DDX11: variants seen among roughly 807,000 people sequenced by gnomAD.
The protein encoded by DDX11 is ATP-dependent DNA helicase DDX11.
A neutral mutation model predicts 125.2 loss-of-function variants in DDX11; 72 were observed. The observed-to-expected ratio is 0.58, with a 90% confidence interval of 0.48 to 0.70. The LOEUF (loss-of-function observed/expected upper bound fraction) is 0.70, where lower values mean the gene tolerates loss of function less well. Among genes scored for constraint, DDX11 ranks in the 30% least tolerant of loss-of-function variants. The pLI is 0.00. For missense variants in DDX11, 883 were observed against 1,165.0 expected (o/e 0.76, Z 3.52); for synonymous variants, 347 against 452.6 (o/e 0.77, Z 2.96).
chr12:31,084,857 C>T (rs1450823472), intron 4 of DDX11, 112 bp from the exon 5 acceptor site: 8 of 1,381,648 alleles, frequency 5.8e-6, no homozygotes, highest in Non-Finnish European at 7.0e-6. Flanking sequence ...TCCAGCCAGG[C>T]AGCCAGGCCT....
intron 9 of DDX11, chr12:31,091,376 G>C (rs56224121): frequency 2.6e-4 from 61 of 232,958 alleles, no homozygotes; most frequent in African/African-American, 1.2e-3. Context: ...AGAAGCTGGG[G>C]CCGCTTCCTG....
In DDX11 at chr12:31,092,897, G is replaced by A; in HGVS notation, c.1289+5G>A. On this transcript the variant is annotated splice_donor_5th_base_variant and intron_variant, in intron 11 of 26. Coordinates refer to ENST00000542838, the MANE Select transcript of DDX11 (RefSeq NM_030653.4). ...GCAGTACGTGGAGCGATACGGGTGA[G>A]ATGTGACCCTCTGAGGTAGTGGGAC... is the stretch of plus-strand genomic sequence containing the variant. 1 of 1,614,032 alleles carries A rather than the reference G, an allele frequency of 6.2e-7. No individual in the cohort carries two copies. Among genetic ancestry groups the A allele is most frequent in the Non-Finnish European group, 8.5e-7 (1 of 1,179,874 alleles).
intron 1 of DDX11, 64 bp from the exon 2 acceptor site, chr12:31,078,326 G>C: frequency 6.2e-7 from 1 of 1,609,900 alleles, no homozygotes; most frequent in Non-Finnish European, 8.5e-7. Flanking sequence ...TAATGCTCCA[G>C]ATTTCAAGCC....
chr12:31,089,751 A>G, intron 8 of DDX11, 135 bp from the exon 9 acceptor site: 1 of 1,470,826 alleles, frequency 6.8e-7, no homozygotes. Context: ...ATGAGACCAC[A>G]GTAGGCAGTA....
At chr12:31,080,426 T>A (rs1941669546) in intron 2 of DDX11, among the ~76,000 whole-genome samples, 3 of 152,214 alleles carry the variant, frequency 2.0e-5, no homozygotes. Flanking sequence ...GCCCACTTCC[T>A]GTCTTCTGCA....
rs1219602517 is a variant in DDX11 at position 31,089,650 on chromosome 12, C to G, written c.880+160C>G. On this transcript the variant is annotated intron_variant, in intron 8 of 26. Transcript: ENST00000542838. ...CTCCTTGGGAAAAAGTGTTCCTACT[C>G]TCTGGGTCAGTGTCTGGTCCGAATC... 7 of 1,050,130 alleles carry G rather than the reference C, an allele frequency of 6.7e-6. No individual in the cohort carries two copies. In the African/African-American group the frequency reaches 9.5e-5, roughly 14 times the overall value. The allele number at this position is 1,050,130 out of a possible 1,614,324, so 65.1% of individuals were successfully genotyped here.
chr12:31,087,390 C>T (rs1004660712), intron 5 of DDX11, among the ~76,000 whole-genome samples: 2 of 151,942 alleles, frequency 1.3e-5, no homozygotes, highest in African/African-American at 4.8e-5. Flanking sequence ...GGAGATAGAC[C>T]GAGAGGAAGC....
At chr12:31,094,166 A>C in intron 12 of DDX11, 1 of 289,528 alleles carries the variant, frequency 3.5e-6, no homozygotes. Context: ...CGTCTGTGGA[A>C]GTGGAAGCTG....
At chr12:31,103,042 G>C in intron 24 of DDX11, 22 bp downstream of exon 24, 1 of 1,610,466 alleles carries the variant, frequency 6.2e-7, no homozygotes, top group Non-Finnish European at 8.5e-7. Flanking sequence ...CAGTGTCACA[G>C]AGGGTGACAG....
Position 31,102,435 on chromosome 12 carries a change from C to A in DDX11, c.2280C>A (p.Gly760=). Residue 760 remains glycine (G), a synonymous_variant, in exon 23 of 27, where the codon GGC becomes GGA. Transcript: ENST00000542838. ...LAYSRCIQAC[G]QERGQVTGAL... is the part of the protein sequence containing the mutation. Reference sequence around the variant, plus strand: ...CTGGGTTTCTCCTACAGGCCTGTGGCCAGGAGAGAGGCCAGGTGACAGGGG... The same window carrying A: ...CTGGGTTTCTCCTACAGGCCTGTGGACAGGAGAGAGGCCAGGTGACAGGGG... The A allele has an allele frequency of 1.2e-6, 2 of 1,613,968 alleles. No individual in the cohort carries two copies. The highest frequency in any genetic ancestry group is 1.7e-6 in the Non-Finnish European group (2 of 1,179,906).
At chr12:31,091,994 C>CCATATTACTTTGGTT in intron 10 of DDX11, 123 bp downstream of exon 10, 1 of 1,360,394 alleles carries the variant, frequency 7.4e-7, no homozygotes, top group Non-Finnish European at 1.0e-6. Context: ...GTGCACGAGT[C>CCATATTACTTTGGTT]AAGGCGGTGA....
At position 31,100,687 on chromosome 12, in the gene DDX11, G is replaced by A. The variant is rs141979246; in HGVS notation, c.1928G>A (p.Arg643His). The A allele has an allele frequency of 3.0e-4, 463 of 1,552,380 alleles. No homozygotes were observed. Among genetic ancestry groups the A allele is most frequent in the Non-Finnish European group, 3.8e-4 (441 of 1,147,318 alleles). Residue 643 changes from arginine (R) to histidine (H), a missense_variant, in exon 19 of 27, where the codon CGC becomes CAC. Around this residue, in one of 5 missense-constraint regions of DDX11, gnomAD observed 285 missense variants for 346.0 expected, o/e 0.82. Coordinates refer to ENST00000542838, the MANE Select transcript of DDX11 (RefSeq NM_030653.4). ...GCCTGTGCCGGGGTGGAAGCTGAGCGCGTGGTGGAGTTTTCCTGTGGTGAG... is the reference window on the plus strand; with the variant it reads ...GCCTGTGCCGGGGTGGAAGCTGAGCACGTGGTGGAGTTTTCCTGTGGTGAG... Reference protein sequence around the residue: ...LLACAGVEAERVVEFSCGHVI... With the variant: ...LLACAGVEAEHVVEFSCGHVI...
intron 5 of DDX11, among the ~76,000 whole-genome samples, chr12:31,085,733 G>A (rs1017827169): frequency 1.3e-5 from 2 of 152,240 alleles, no homozygotes; most frequent in African/African-American, 4.8e-5. Flanking sequence ...ATCCCTGAGT[G>A]TCTGCTCTGA....
intron 6 of DDX11, among the ~76,000 whole-genome samples, chr12:31,088,382 CTG>C (rs1943548484): frequency 6.6e-6 from 1 of 152,116 alleles, no homozygotes; most frequent in African/African-American, 2.4e-5. Context: ...GGGCTGAAAT[CTG>C]GGTGTTTTCT....
Position 31,102,538 on chromosome 12 carries a change from G to A in DDX11, c.2372+11G>A, listed in dbSNP as rs755982708. The A allele has an allele frequency of 6.2e-7, 1 of 1,611,750 alleles. No individual in the cohort carries two copies. Among genetic ancestry groups the A allele is most frequent in the Non-Finnish European group, 8.5e-7 (1 of 1,177,816 alleles). ...TGACAACCTAGGCCGGTAAGTAGTGGTTCTGCTCGTCTCCTGGGCCGTGAT... is the reference window on the plus strand; with the variant it reads ...TGACAACCTAGGCCGGTAAGTAGTGATTCTGCTCGTCTCCTGGGCCGTGAT... On this transcript the variant is annotated intron_variant, in intron 23 of 26. Transcript: ENST00000542838.
chr12:31,103,191 C>G lies in DDX11; in HGVS notation c.2458-126C>G, dbSNP rs1398615227. ...CTCTTGATCTTCCCTGTGATGTCAC[C>G]TGGACCCCTGCTGCTGGCATTGGCC... On this transcript the variant is annotated intron_variant, in intron 24 of 26. Transcript: ENST00000542838. 2.8e-6 allele frequency: 4 copies of G among 1,423,322 alleles called. No homozygotes were observed. In the East Asian group the frequency reaches 9.9e-5, roughly 35 times the overall value. 88.2% of individuals were successfully genotyped at this position (1,423,322 alleles called of 1,614,324 possible).
At chr12:31,102,010 C>T (rs1204409696) in intron 21 of DDX11, 28 bp downstream of exon 21, 1 of 1,605,644 alleles carries the variant, frequency 6.2e-7, no homozygotes, top group Admixed American at 1.7e-5. Context: ...AGCCTTCCCA[C>T]TTGTGAGGAC....
At position 31,090,084 on chromosome 12, in the gene DDX11, C is replaced by T; in HGVS notation, c.1079C>T (p.Pro360Leu). Residue 360 changes from proline (P) to leucine (L), a missense_variant, in exon 9 of 27, where the codon CCT becomes CTT. Pro to Leu is a moderately conservative substitution (Grantham distance 98). Coordinates refer to ENST00000542838, the MANE Select transcript of DDX11 (RefSeq NM_030653.4). ...TATTACGGGAGCCGCCTTGCCATCCCTGCAGCCCAGGTGAGGGCCCTGCAG... is the reference window on the plus strand; with the variant it reads ...TATTACGGGAGCCGCCTTGCCATCCTTGCAGCCCAGGTGAGGGCCCTGCAG... Reference protein sequence around the residue: ...CPYYGSRLAIPAAQLVVLPYQ... With the variant: ...CPYYGSRLAILAAQLVVLPYQ... 1.3e-6 allele frequency: 2 copies of T among 1,549,770 alleles called. No individual in the cohort carries two copies. The highest frequency in any genetic ancestry group is 1.7e-6 in the Non-Finnish European group (2 of 1,146,758).
rs1209265982 is a variant in DDX11 at position 31,096,846 on chromosome 12, C to G, written c.1631-13C>G. On this transcript the variant is annotated splice_polypyrimidine_tract_variant and intron_variant, in intron 16 of 26. Transcript: ENST00000542838. The stretch of plus-strand genomic sequence containing the variant: ...ACCAGAGGGAGGCCTCCTCCCCGTT[C>G]TGCTCTGTGCAGCTCTTGCAGCCCC... 5 of 1,614,202 alleles carry G rather than the reference C, an allele frequency of 3.1e-6. No individual in the cohort carries two copies. In the Admixed American group the frequency reaches 5.0e-5, roughly 16 times the overall value.
Sources: allele counts gnomAD v4.1 joint callset (sites outside exome capture counted in the v4.1 genomes callset), GRCh38; gene constraint gnomAD v4.1.1; regional missense constraint gnomAD v4.1.1; transcripts MANE v1.5; gene names NCBI Gene and HGNC (gene_info 2026-07-23, HGNC 2026-07-21).